The following KCTD1 variants were observed in gnomAD, a reference collection of about 807,000 sequenced individuals.
KCTD1 encodes potassium channel tetramerization domain containing 1.
Under a neutral mutation model 66.0 loss-of-function variants are expected in KCTD1, and 24 were observed. That is an observed-to-expected ratio of 0.36 (90% CI 0.26 to 0.51). The LOEUF (loss-of-function observed/expected upper bound fraction) is 0.51. Ranked by LOEUF, KCTD1 falls within the 20% of genes least tolerant of loss-of-function variation. The pLI, the probability that KCTD1 is intolerant of heterozygous loss-of-function variation, is 0.95. For synonymous variants in KCTD1, 511 were observed against 517.2 expected (o/e 0.99, Z 0.16); for missense variants, 943 against 1,205.2 (o/e 0.78, Z 3.22).
chr18:26,603,507 G>A (rs573415926), intron 1 of KCTD1, among the ~76,000 whole-genome samples: 2 of 151,606 alleles, frequency 1.3e-5, no homozygotes, highest in East Asian at 1.9e-4. Flanking sequence ...TTGGGAGGCC[G>A]AGGTGGGCGG....
chr18:26,580,770 A>G (rs148139086), intron 1 of KCTD1, among the ~76,000 whole-genome samples: 2 of 152,144 alleles, frequency 1.3e-5, no homozygotes, highest in African/African-American at 4.8e-5. Flanking sequence ...TACATTTTTT[A>G]ATGGGTGGCC....
intron 1 of KCTD1, among the ~76,000 whole-genome samples, chr18:26,509,597 G>A (rs531964408): frequency 5.3e-5 from 8 of 151,990 alleles, no homozygotes; most frequent in Non-Finnish European, 7.4e-5. Context: ...GTAGCTACTC[G>A]CTAAAATCAT....
At chr18:26,483,416 C>T (rs547407456) in intron 2 of KCTD1, among the ~76,000 whole-genome samples, 28 of 152,170 alleles carry the variant, frequency 1.8e-4, no homozygotes, top group Admixed American at 1.7e-3. Flanking sequence ...TTACAGGCAC[C>T]TGCCACCACG....
intron 1 of KCTD1, among the ~76,000 whole-genome samples, chr18:26,645,517 C>T (rs1987912972): frequency 6.6e-6 from 1 of 152,208 alleles, no homozygotes; most frequent in African/African-American, 2.4e-5. Flanking sequence ...ATCCTCCTCC[C>T]TCAGCCTCCA....
chr18:26,496,225 A>AG (rs760472771), intron 2 of KCTD1, among the ~76,000 whole-genome samples: 1 of 152,184 alleles, frequency 6.6e-6, no homozygotes, highest in Non-Finnish European at 1.5e-5. Context: ...GTGCGAGTGG[A>AG]GGGTCTACTT....
At chr18:26,580,658 G>T (rs958636882) in intron 1 of KCTD1, among the ~76,000 whole-genome samples, 16 of 152,138 alleles carry the variant, frequency 1.1e-4, no homozygotes, top group African/African-American at 3.6e-4. Flanking sequence ...GAGGGAGTGT[G>T]GCAAAATGGC....
intron 1 of KCTD1, among the ~76,000 whole-genome samples, chr18:26,637,012 G>GT (rs2145056200): frequency 6.6e-6 from 1 of 152,346 alleles, no homozygotes; most frequent in East Asian, 1.9e-4. Context: ...TCCTCCCACT[G>GT]CTCTCACCCG....
intron 1 of KCTD1, among the ~76,000 whole-genome samples, chr18:26,542,166 A>T (rs980255055): frequency 1.3e-5 from 2 of 152,234 alleles, no homozygotes; most frequent in Non-Finnish European, 2.9e-5. Context: ...ATCTTAGAGC[A>T]CTAAAAACGT....
chr18:26,569,577 G>C (rs1986056118), intron 1 of KCTD1, among the ~76,000 whole-genome samples: 1 of 152,100 alleles, frequency 6.6e-6, no homozygotes, highest in South Asian at 2.1e-4. Flanking sequence ...CAGGCAGGTG[G>C]GGGGTGGGGG....
intron 1 of KCTD1, among the ~76,000 whole-genome samples, chr18:26,606,572 A>G (rs1257357544): frequency 6.6e-6 from 1 of 152,192 alleles, no homozygotes; most frequent in Non-Finnish European, 1.5e-5. Context: ...TGTGTGCTTC[A>G]GCGATCTCTT....
At chr18:26,613,188 G>GA in intron 1 of KCTD1, among the ~76,000 whole-genome samples, 2 of 152,268 alleles carry the variant, frequency 1.3e-5, no homozygotes, top group African/African-American at 4.8e-5. Context: ...GACTTGTGAT[G>GA]AAAAATCAAT....
upstream of KCTD1, among the ~76,000 whole-genome samples, chr18:26,643,690 C>A (rs2339193): frequency 6.6e-6 from 1 of 152,038 alleles, no homozygotes; most frequent in Non-Finnish European, 1.5e-5. Context: ...TGGCCGGGTG[C>A]GGTGGCTCAC....
At chr18:26,565,354 T>C (rs909563631) in intron 1 of KCTD1, among the ~76,000 whole-genome samples, 1 of 152,232 alleles carries the variant, frequency 6.6e-6, no homozygotes, top group Non-Finnish European at 1.5e-5. Flanking sequence ...TGTCTTTACA[T>C]ACCATGTTAT....
At chr18:26,609,716 G>A (rs1987093033) in intron 1 of KCTD1, among the ~76,000 whole-genome samples, 1 of 152,146 alleles carries the variant, frequency 6.6e-6, no homozygotes, top group Non-Finnish European at 1.5e-5. Context: ...AGGATTTTCT[G>A]TTTTCTCAGT....
chr18:26,600,361 C>T, intron 1 of KCTD1: 1 of 1,244,624 alleles, frequency 8.0e-7, no homozygotes, highest in Non-Finnish European at 1.2e-6. Context: ...TGACATGGGA[C>T]CCATCTGCTC....
At chr18:26,555,503 G>C (rs1317429070) in intron 1 of KCTD1, among the ~76,000 whole-genome samples, 1 of 152,226 alleles carries the variant, frequency 6.6e-6, no homozygotes, top group African/African-American at 2.4e-5. Context: ...CAAAAGCCAT[G>C]AAAATGTTCA....
chr18:26,617,650 G>A (rs1459553354), intron 1 of KCTD1, among the ~76,000 whole-genome samples: 1 of 152,136 alleles, frequency 6.6e-6, no homozygotes, highest in Non-Finnish European at 1.5e-5. Context: ...CCTCCTATGT[G>A]GTAGAGAATG....
upstream of KCTD1, among the ~76,000 whole-genome samples, chr18:26,632,940 A>G (rs471914): frequency 0.83 from 125,570 of 151,844 alleles, 52,184 homozygotes; most frequent in African/African-American, 0.87. Context: ...GGGAGGGGGT[A>G]AGGAGGGGAA....
rs561997213 is a variant in KCTD1 at position 26,483,799 on chromosome 18, C to T, written c.1989-7140G>A. ...TGAGAGGCATGTGCAGAGCTGACAC[C>T]GCACGTGCAACCTAAACTCAGGACA... is the stretch of plus-strand genomic sequence containing the variant. On this transcript the variant is annotated intron_variant, in intron 2 of 4. Transcript: ENST00000580059. Among the ~76,000 whole-genome samples, 6 of 151,254 alleles carry T rather than the reference C, an allele frequency of 4.0e-5. No homozygotes were observed. In the East Asian group the frequency reaches 9.7e-4, roughly 24 times the overall value.
Sources: allele counts gnomAD v4.1 joint callset (sites outside exome capture counted in the v4.1 genomes callset), GRCh38; gene constraint gnomAD v4.1.1; transcripts MANE v1.5; gene names NCBI Gene and HGNC (gene_info 2026-07-23, HGNC 2026-07-21).